The following ST6GAL1 variants were observed in gnomAD, a reference collection of about 807,000 sequenced individuals.
ST6GAL1 encodes the protein ST6 beta-galactoside alpha-2,6-sialyltransferase 1.
Under a neutral mutation model 38.0 loss-of-function variants are expected in ST6GAL1, and 20 were observed. The ratio of observed to expected loss-of-function variants is 0.53; its 90% CI spans 0.37 to 0.77. The LOEUF is 0.77. ST6GAL1 is among the 30% of genes least tolerant of loss of function. The probability of loss-of-function intolerance (pLI) is 0.00; values close to 1 mark genes in which losing one functional copy is unlikely to be tolerated. For missense variants in ST6GAL1, 432 were observed against 496.4 expected, an observed-to-expected ratio of 0.87 and a Z score of 1.23; for synonymous variants, 196 against 188.2, an observed-to-expected ratio of 1.04 and a Z score of -0.34.
At chr3:187,055,401 G>A (rs1718663287) in intron 5 of ST6GAL1, among the ~76,000 whole-genome samples, 1 of 152,058 alleles carries the variant, frequency 6.6e-6, no homozygotes, top group Admixed American at 6.6e-5. Context: ...TGATGTTAGG[G>A]TGTTGATTTT....
At chr3:187,007,406 A>T (rs1716819274) in intron 2 of ST6GAL1, among the ~76,000 whole-genome samples, 1 of 152,234 alleles carries the variant, frequency 6.6e-6, no homozygotes, top group African/African-American at 2.4e-5. Context: ...CAACCACCCA[A>T]GTCCCAGACA....
intron 1 of ST6GAL1, among the ~76,000 whole-genome samples, chr3:186,961,222 C>T (rs529250144): frequency 2.6e-4 from 39 of 152,266 alleles, no homozygotes; most frequent in African/African-American, 7.5e-4. Flanking sequence ...ATGATCCTCC[C>T]GCCTTGGCCT....
chr3:186,957,627 G>A (rs1372375918), intron 1 of ST6GAL1, among the ~76,000 whole-genome samples: 1 of 151,866 alleles, frequency 6.6e-6, no homozygotes, highest in African/African-American at 2.4e-5. Context: ...AGTACCTGGG[G>A]CTGTGACTTG....
chr3:187,020,341 A>G (rs528107495), intron 2 of ST6GAL1, among the ~76,000 whole-genome samples: 1 of 152,270 alleles, frequency 6.6e-6, no homozygotes, highest in South Asian at 2.1e-4. Context: ...TGGTTTCACC[A>G]TTTACAGTGA....
chr3:187,034,965 T>C (rs1038745183), intron 2 of ST6GAL1, among the ~76,000 whole-genome samples: 14 of 152,114 alleles, frequency 9.2e-5, no homozygotes, highest in Admixed American at 3.9e-4. Flanking sequence ...TCAAACTGTC[T>C]CTCTTTGCTG....
chr3:187,051,312 G>C lies in ST6GAL1; in HGVS notation c.671G>C (p.Gly224Ala). ...ACAGCCAACTTCCAACAAGATGTGGGCACAAAAACTACCATTCGCCTGATG... is the reference window on the plus strand; with the variant it reads ...ACAGCCAACTTCCAACAAGATGTGGCCACAAAAACTACCATTCGCCTGATG... Reference protein sequence around the residue: ...APTANFQQDVGTKTTIRLMNS... With the variant: ...APTANFQQDVATKTTIRLMNS... The change falls in exon 5 of 8, where the codon GGC becomes GCC. Residue 224 changes from glycine (G) to alanine (A), a missense_variant. Coordinates refer to ENST00000169298, the MANE Select transcript of ST6GAL1 (RefSeq NM_173216.2). The C allele has an allele frequency of 6.2e-7, 1 of 1,614,148 alleles. No individual in the cohort carries two copies. The highest frequency in any genetic ancestry group is 8.5e-7 in the Non-Finnish European group (1 of 1,180,002).
At chr3:187,066,354 C>G (rs577573140) in intron 5 of ST6GAL1, among the ~76,000 whole-genome samples, 18 of 152,144 alleles carry the variant, frequency 1.2e-4, no homozygotes, top group Admixed American at 3.9e-4. Context: ...GAGAGCTCTG[C>G]GGGTCTCTTC....
chr3:187,067,942 C>T (rs73055075), intron 5 of ST6GAL1, among the ~76,000 whole-genome samples: 1,552 of 152,254 alleles, frequency 0.01, 30 homozygotes, highest in African/African-American at 0.036. Context: ...AGCAAATTCT[C>T]CTGACACTCC....
At chr3:186,931,449 A>G (rs1345972360) in intron 1 of ST6GAL1, 2 of 152,362 alleles carry the variant, frequency 1.3e-5, no homozygotes, top group African/African-American at 2.4e-5. Context: ...AACCAAAACA[A>G]GAAAGCAGCT....
chr3:186,995,223 A>C (rs1716323596), intron 2 of ST6GAL1, among the ~76,000 whole-genome samples: 5 of 152,050 alleles, frequency 3.3e-5, no homozygotes, highest in Admixed American at 3.3e-4. Flanking sequence ...AGATTGTTAA[A>C]ATGGGCCAGG....
At chr3:187,046,681 G>A (rs1718308853) in intron 4 of ST6GAL1, among the ~76,000 whole-genome samples, 1 of 152,144 alleles carries the variant, frequency 6.6e-6, no homozygotes, top group Admixed American at 6.5e-5. Context: ...CATATTCTTG[G>A]GCAGAATAAG....
intron 2 of ST6GAL1, among the ~76,000 whole-genome samples, chr3:187,003,901 C>A (rs1373215648): frequency 6.6e-6 from 1 of 152,098 alleles, no homozygotes; most frequent in Non-Finnish European, 1.5e-5. Context: ...GCTATTATTT[C>A]TACTTTCATA....
At chr3:186,955,872 G>C (rs1254914268) in intron 1 of ST6GAL1, among the ~76,000 whole-genome samples, 1 of 152,128 alleles carries the variant, frequency 6.6e-6, no homozygotes, top group African/African-American at 2.4e-5. Flanking sequence ...TCCCTTGTTA[G>C]GGGTATTCCA....
intron 2 of ST6GAL1, among the ~76,000 whole-genome samples, chr3:187,020,272 G>A (rs1353976279): frequency 4.0e-5 from 6 of 151,704 alleles, no homozygotes; most frequent in Admixed American, 2.6e-4. Context: ...CTCCAGCCTG[G>A]TAACAGAGCG....
chr3:187,018,475 C>A (rs1717190966), intron 2 of ST6GAL1, among the ~76,000 whole-genome samples: 1 of 152,110 alleles, frequency 6.6e-6, no homozygotes, highest in Admixed American at 6.5e-5. Flanking sequence ...GGTTGAGGAG[C>A]AGGAAAGCCA....
intron 2 of ST6GAL1, among the ~76,000 whole-genome samples, chr3:187,031,478 C>T (rs1717748613): frequency 6.6e-6 from 1 of 151,830 alleles, no homozygotes; most frequent in African/African-American, 2.4e-5. Context: ...CTCTGTTGCC[C>T]AGGCTGCAGT....
Position 186,982,326 on chromosome 3 carries a change from A to C in ST6GAL1, c.-183+18400A>C, listed in dbSNP as rs569366344. 7.4e-4 allele frequency among the ~76,000 whole-genome samples: 113 copies of C among 152,250 alleles called. 1 individual carries two copies. The South Asian group carries it at 0.023, about 31-fold the overall frequency. The stretch of plus-strand genomic sequence containing the variant: ...ATCACATCATTCCTAACCTTTTTCC[A>C]TGTGGATAAGCATGACCTTAGTCAA... On this transcript the variant is annotated intron_variant, in intron 2 of 7. Transcript: ENST00000169298.
rs1241069704 is a variant in ST6GAL1 at position 186,952,263 on chromosome 3, C to T, written c.-324-11522C>T. Among the ~76,000 whole-genome samples, 1 of 152,128 alleles carries T rather than the reference C, an allele frequency of 6.6e-6. No individual in the cohort carries two copies. Among genetic ancestry groups the T allele is most frequent in the Middle Eastern group, 3.2e-3 (1 of 316 alleles). On this transcript the variant is annotated intron_variant, in intron 1 of 7. Transcript: ENST00000169298. This position sits in a 1 kb window ranked among gnomAD's most constrained non-coding sequence, Gnocchi z 4.1. The stretch of plus-strand genomic sequence containing the variant: ...CTCAACATGATCAGTCTTTTGTACC[C>T]ATCACACCACCAAAACCATACCGGT...
intron 2 of ST6GAL1, among the ~76,000 whole-genome samples, chr3:186,983,243 A>G (rs1251025658): frequency 6.6e-6 from 1 of 152,218 alleles, no homozygotes; most frequent in East Asian, 1.9e-4. Context: ...GGATACAGTG[A>G]TAATTATTAC....
Sources: gnomAD v4.1 joint callset for allele counts (sites outside exome capture counted in the v4.1 genomes callset) on GRCh38, gnomAD v4.1.1 for gene constraint, Gnocchi (gnomAD v3.1) non-coding constraint, MANE v1.5 for transcripts, NCBI Gene and HGNC (gene_info 2026-07-23, HGNC 2026-07-21) for gene names.